SERPINI2: variants seen among roughly 807,000 people sequenced by gnomAD.
SERPINI2 encodes serpin family I member 2.
In SERPINI2, 48 loss-of-function variants were observed where a neutral mutation model predicts 47.3. That is an observed-to-expected ratio of 1.02 (90% CI 0.81 to 1.29). SERPINI2 has a LOEUF of 1.29. SERPINI2 is among the 50% of genes most tolerant of loss of function. The pLI is 0.00. For missense variants in SERPINI2, 448 were observed against 456.9 expected (o/e 0.98, Z 0.18); for synonymous variants, 135 against 149.3 (o/e 0.90, Z 0.70).
intron 7 of SERPINI2, chr3:167,446,966 G>C (rs1170448781): frequency 2.0e-5 from 3 of 151,898 alleles, no homozygotes; most frequent in Non-Finnish European, 4.4e-5. Context: ...TTTAGGATTT[G>C]TGCAGTGAAT....
At chr3:167,445,714 A>T (rs1216342039) in intron 8 of SERPINI2, among the ~76,000 whole-genome samples, 2 of 152,154 alleles carry the variant, frequency 1.3e-5, no homozygotes, top group Non-Finnish European at 2.9e-5. Flanking sequence ...TAAACTTGAC[A>T]ATTTTCCCAC....
At chr3:167,450,871 C>CT (rs1053248477) in intron 6 of SERPINI2, among the ~76,000 whole-genome samples, 8 of 152,106 alleles carry the variant, frequency 5.3e-5, no homozygotes, top group Non-Finnish European at 1.2e-4. Context: ...ACTTAGTCTC[C>CT]TTTGTTCCAT....
intron 2 of SERPINI2, among the ~76,000 whole-genome samples, chr3:167,470,593 G>A (rs1490759849): frequency 1.0e-5 from 1 of 98,086 alleles, no homozygotes; most frequent in African/African-American, 4.6e-5. Flanking sequence ...GAAGGAGTCT[G>A]TTCTTTTGCC....
At chr3:167,445,463 A>G (rs1429638205) in intron 8 of SERPINI2, among the ~76,000 whole-genome samples, 1 of 152,226 alleles carries the variant, frequency 6.6e-6, no homozygotes, top group Non-Finnish European at 1.5e-5. Context: ...TGTTCAAATA[A>G]GATATAGGGA....
chr3:167,453,072 C>A, intron 5 of SERPINI2, 39 bp from the exon 6 acceptor site: 1 of 1,194,000 alleles, frequency 8.4e-7, no homozygotes, highest in Non-Finnish European at 1.2e-6. Context: ...AGTCTTGAAA[C>A]ACTGCACATT....
In SERPINI2 at chr3:167,471,852, G is replaced by A; in HGVS notation, c.-10-8C>T. 6.3e-7 allele frequency: 1 copy of A among 1,588,320 alleles called. No individual in the cohort carries two copies. The highest frequency in any genetic ancestry group is 8.6e-7 in the Non-Finnish European group (1 of 1,161,440). On this transcript the variant is annotated splice_polypyrimidine_tract_variant and splice_region_variant and intron_variant, in intron 1 of 8. Transcript: ENST00000264677. ...GTGTCCATTTTGACTTCTCTGTATT[G>A]TTTAAATCAAAATATATTCATTTTC... is the stretch of plus-strand genomic sequence containing the variant.
chr3:167,454,369 T>A (rs115589943), intron 5 of SERPINI2, among the ~76,000 whole-genome samples: 4 of 152,182 alleles, frequency 2.6e-5, no homozygotes, highest in Non-Finnish European at 5.9e-5. Context: ...GGACACAACA[T>A]GCACATTAAA....
intron 5 of SERPINI2, among the ~76,000 whole-genome samples, chr3:167,463,433 G>T (rs73173014): frequency 6.6e-6 from 1 of 152,096 alleles, no homozygotes; most frequent in Admixed American, 6.5e-5. Context: ...AGAGTAAGAG[G>T]AGGAAAATTC....
chr3:167,471,901 C>T, intron 1 of SERPINI2, 57 bp from the exon 2 acceptor site: 3 of 1,373,970 alleles, frequency 2.2e-6, no homozygotes, highest in Non-Finnish European at 3.0e-6. Flanking sequence ...CCACAGAGAG[C>T]TCAACAGAAA....
At chr3:167,462,227 A>G (rs1271640869) in intron 5 of SERPINI2, among the ~76,000 whole-genome samples, 1 of 152,012 alleles carries the variant, frequency 6.6e-6, no homozygotes, top group Non-Finnish European at 1.5e-5. Context: ...AGATTTCAGT[A>G]AAATTTGCTT....
intron 1 of SERPINI2, among the ~76,000 whole-genome samples, chr3:167,473,067 C>T (rs1750384584): frequency 6.6e-6 from 1 of 151,554 alleles, no homozygotes; most frequent in Non-Finnish European, 1.5e-5. Flanking sequence ...CTAAGAACAA[C>T]TATATTTATA....
chr3:167,458,245 CTTTTTTTTTTT>C (rs949215365), intron 5 of SERPINI2, among the ~76,000 whole-genome samples: 1 of 105,218 alleles, frequency 9.5e-6, no homozygotes, highest in Non-Finnish European at 1.9e-5. Flanking sequence ...GAATTTCTTT[CTTTTTTTTTTT>C]TTTTTTTTTT....
At chr3:167,474,039 A>C (rs768535954) in exon 1 of SERPINI2, 27 of 1,076,310 alleles carry the variant, frequency 2.5e-5, no homozygotes, top group Admixed American at 5.2e-5. Context: ...GGAATGTTAC[A>C]ACTAAAATAC....
At chr3:167,442,228 G>T in intron 8 of SERPINI2, 43 bp from the exon 9 acceptor site, 2 of 1,397,954 alleles carry the variant, frequency 1.4e-6, no homozygotes, top group African/African-American at 1.5e-5. Flanking sequence ...GGAATTTCAG[G>T]AGAAAACAAC....
At chr3:167,459,695 TTG>T in intron 5 of SERPINI2, among the ~76,000 whole-genome samples, 1 of 151,570 alleles carries the variant, frequency 6.6e-6, no homozygotes, top group East Asian at 1.9e-4. Flanking sequence ...TTTTTTTTTT[TTG>T]GCATATACTA....
chr3:167,448,802 G>T (rs545055548), intron 7 of SERPINI2, among the ~76,000 whole-genome samples: 8 of 151,986 alleles, frequency 5.3e-5, no homozygotes, highest in African/African-American at 1.9e-4. Flanking sequence ...GATTACAGGC[G>T]TGAGCCACCG....
chr3:167,449,405 G>A lies in SERPINI2; in HGVS notation c.965-3C>T. On this transcript the variant is annotated splice_polypyrimidine_tract_variant and splice_region_variant and intron_variant, in intron 6 of 8. Transcript: ENST00000264677. Reference sequence around the variant, plus strand: ...GGAAACATACACTTCAGATGAATCTGGTTAAAAAAAAATACACAAAAGTGT... The same window carrying A: ...GGAAACATACACTTCAGATGAATCTAGTTAAAAAAAAATACACAAAAGTGT... The A allele has an allele frequency of 1.9e-6, 3 of 1,583,224 alleles. No homozygotes were observed. The highest frequency in any genetic ancestry group is 1.1e-5 in the South Asian group (1 of 88,028).
At chr3:167,450,470 T>C (rs1560230748) in intron 6 of SERPINI2, among the ~76,000 whole-genome samples, 1 of 152,178 alleles carries the variant, frequency 6.6e-6, no homozygotes, top group South Asian at 2.1e-4. Flanking sequence ...GATCTGACAA[T>C]GTTCCTCAGA....
At chr3:167,464,112 C>T (rs897478707) in intron 5 of SERPINI2, among the ~76,000 whole-genome samples, 48 of 145,388 alleles carry the variant, frequency 3.3e-4, no homozygotes, top group African/African-American at 1.2e-3. Context: ...CTCCCAGGTT[C>T]AACTGATTCT....
Sources: allele counts gnomAD v4.1 joint callset (sites outside exome capture counted in the v4.1 genomes callset), GRCh38; gene constraint gnomAD v4.1.1; transcripts MANE v1.5; gene names NCBI Gene and HGNC (gene_info 2026-07-23, HGNC 2026-07-21).